Variants in CDK5RAP2 observed in about 807,000 individuals in gnomAD.
The protein encoded by CDK5RAP2 is CDK5 regulatory subunit associated protein 2.
Under a neutral mutation model 232.9 loss-of-function variants are expected in CDK5RAP2, and 147 were observed. The observed-to-expected ratio is 0.63, with a 90% CI of 0.55 to 0.72. CDK5RAP2 has a LOEUF of 0.72. Among genes scored for constraint, CDK5RAP2 ranks in the 30% least tolerant of loss-of-function variants. CDK5RAP2 has a pLI of 0.00. For synonymous variants in CDK5RAP2, 833 were observed against 833.7 expected (o/e 1.00, Z 0.01); for missense variants, 2,195 against 2,231.5 (o/e 0.98, Z 0.33).
At position 120,434,275 on chromosome 9, in the gene CDK5RAP2, G is replaced by A. The variant is rs554187021; in HGVS notation, c.3955+3020C>T. 7.9e-5 allele frequency among the ~76,000 whole-genome samples: 12 copies of A among 152,196 alleles called. No homozygotes were observed. In the South Asian group the frequency reaches 2.5e-3, roughly 31 times the overall value. On this transcript the variant is annotated intron_variant, in intron 25 of 37. Transcript: ENST00000349780. ...GAAGAGAAAGTGCAAAGCCCCTGAA[G>A]GAGGAGCTGGCCTGGGCATGCTAGA...
At chr9:120,420,434 G>GC (rs1198806249) in intron 26 of CDK5RAP2, among the ~76,000 whole-genome samples, 2 of 152,110 alleles carry the variant, frequency 1.3e-5, no homozygotes, top group Non-Finnish European at 2.9e-5. Flanking sequence ...TGGCTCCAAG[G>GC]CCCCAGGAGA....
In CDK5RAP2 at chr9:120,437,161, G is replaced by C. The variant is rs1037070646; in HGVS notation, c.3955+134C>G. The C allele has an allele frequency of 1.5e-5, 11 of 721,046 alleles. No individual in the cohort carries two copies. In the Admixed American group the frequency reaches 1.8e-4, roughly 12 times the overall value. The allele number at this position is 721,046 out of a possible 1,614,324, so 44.7% of individuals were successfully genotyped here. A position where few individuals can be genotyped will look rare whatever the true frequency, so the allele number is the denominator to read the frequency against. On this transcript the variant is annotated intron_variant, in intron 25 of 37. Transcript: ENST00000349780. ...CTGGGAGGAAGCAGCAGCCAGTGTG[G>C]TTCTGCTGTCACCTCATCAAGGCAG...
chr9:120,528,074 GTGCC>G, intron 9 of CDK5RAP2, 149 bp from the exon 10 acceptor site: 2 of 1,136,858 alleles, frequency 1.8e-6, no homozygotes, highest in Non-Finnish European at 2.6e-6. Context: ...GCTGAACATA[GTGCC>G]ATCAGCTCCA....
At chr9:120,462,182 A>G (rs932849303) in intron 18 of CDK5RAP2, among the ~76,000 whole-genome samples, 6 of 152,230 alleles carry the variant, frequency 3.9e-5, no homozygotes, top group African/African-American at 9.6e-5. Context: ...ACATCCTACT[A>G]TATTATCCAG....
At position 120,439,747 on chromosome 9, in the gene CDK5RAP2, C is replaced by G. The variant is rs201397672; in HGVS notation, c.3374G>C (p.Gly1125Ala). ...AAGCTGAAATATGAAATTCTGGTAGCCTTCCAGCTCAGTTTCCAAGTCATG... is the reference window on the plus strand; with the variant it reads ...AAGCTGAAATATGAAATTCTGGTAGGCTTCCAGCTCAGTTTCCAAGTCATG... ...KIHDLETELE[G>A]YQNFIFQLQK... Residue 1125 changes from glycine (G) to alanine (A), a missense_variant, in exon 24 of 38, where the codon GGC (glycine) becomes GCC (alanine). Coordinates refer to ENST00000349780, the MANE Select transcript of CDK5RAP2 (RefSeq NM_018249.6). The G allele has an allele frequency of 5.3e-5, 85 of 1,614,154 alleles. No individual in the cohort carries two copies. The highest frequency in any genetic ancestry group is 6.8e-5 in the Non-Finnish European group (80 of 1,180,024).
intron 21 of CDK5RAP2, among the ~76,000 whole-genome samples, chr9:120,451,028 G>T (rs1564235618): frequency 6.6e-6 from 1 of 152,214 alleles, no homozygotes; most frequent in Non-Finnish European, 1.5e-5. Context: ...TTCGTCCTCA[G>T]TCTCCACCAA....
chr9:120,527,075 A>G (rs1032137200), intron 10 of CDK5RAP2, among the ~76,000 whole-genome samples: 55 of 152,032 alleles, frequency 3.6e-4, no homozygotes, highest in African/African-American at 1.2e-3. Flanking sequence ...TTCTTCCCCA[A>G]TAGACTTGCA....
intron 31 of CDK5RAP2, chr9:120,407,914 C>A: frequency 3.6e-6 from 1 of 281,260 alleles, no homozygotes; most frequent in Non-Finnish European, 7.1e-6. Context: ...CATATACTAG[C>A]AGGACGATTA....
At chr9:120,548,269 C>T (rs999108674) in intron 4 of CDK5RAP2, among the ~76,000 whole-genome samples, 1 of 152,134 alleles carries the variant, frequency 6.6e-6, no homozygotes, top group Non-Finnish European at 1.5e-5. Flanking sequence ...ATTCTTTTTC[C>T]AGCTCTCAGA....
chr9:120,453,850 C>T lies in CDK5RAP2; in HGVS notation c.2399G>A (p.Arg800Gln), dbSNP rs756981126. 6 of 1,614,184 alleles carry T rather than the reference C, an allele frequency of 3.7e-6. No individual in the cohort carries two copies. The highest frequency in any genetic ancestry group is 4.2e-6 in the Non-Finnish European group (5 of 1,180,026). The change falls in exon 21 of 38, where the codon CGG becomes CAG. Residue 800 changes from arginine to glutamine, a missense_variant. By Grantham distance (43) the Arg-to-Gln change is conservative (BLOSUM62 1). Coordinates refer to ENST00000349780, the MANE Select transcript of CDK5RAP2 (RefSeq NM_018249.6). ...GAATAGTTGTCCCAGAAGCAGTTCCCGTACCACTTTCAGAAGGTCTGGCCT... is the reference window on the plus strand; with the variant it reads ...GAATAGTTGTCCCAGAAGCAGTTCCTGTACCACTTTCAGAAGGTCTGGCCT... Reference protein sequence around the residue: ...ESRPDLLKVVRELLLGQLFLT... With the variant: ...ESRPDLLKVVQELLLGQLFLT...
chr9:120,453,156 G>C (rs2036566501), intron 21 of CDK5RAP2, among the ~76,000 whole-genome samples: 1 of 152,294 alleles, frequency 6.6e-6, no homozygotes, highest in East Asian at 1.9e-4. Context: ...ATAGACAGAT[G>C]TATAAACAAG....
rs71385064 is a variant in CDK5RAP2, at chr9:120,497,421, TAAAAAAAAAAAAAAAA to T, written c.1312-5960_1312-5945del. 9.0e-4 allele frequency among the ~76,000 whole-genome samples: 21 copies of T among 23,302 alleles called. 2 individuals are homozygous for T. The South Asian group carries it at 0.011, about 12-fold the overall frequency. 15.3% of individuals were successfully genotyped at this position (23,302 alleles called of 152,430 possible). On this transcript the variant is annotated intron_variant, in intron 12 of 37. Transcript: ENST00000349780. ...AGAATTATCAATAAAAAAATAAATT[TAAAAAAAAAAAAAAAA>T]AAAAAAAAAAAAAAAAAGAATCATC...
chr9:120,389,862 G>A (rs2031765035), intron 36 of CDK5RAP2, 75 bp from the exon 37 acceptor site: 7 of 1,386,424 alleles, frequency 5.0e-6, no homozygotes, highest in Non-Finnish European at 7.2e-6. Flanking sequence ...CAAGTGCAGG[G>A]AGGATGAACC....
rs768089413 is a variant in CDK5RAP2 at position 120,520,796 on chromosome 9, T to TGAGATATATCTCAG, written c.1093-2152_1093-2151insCTGAGATATATCTC. ...CAGATATCTCATGAGATATATCTCA[T>TGAGATATATCTCAG]ATATCTCATGAGATATATCTCATAT... On this transcript the variant is annotated intron_variant, in intron 11 of 37. Coordinates refer to ENST00000349780, the MANE Select transcript of CDK5RAP2 (RefSeq NM_018249.6). Among the ~76,000 whole-genome samples the TGAGATATATCTCAG allele has an allele frequency of 4.0e-5, 6 of 149,236 alleles. 1 individual carries two copies. Among genetic ancestry groups the TGAGATATATCTCAG allele is most frequent in the African/African-American group, 1.5e-4 (6 of 40,496 alleles).
intron 4 of CDK5RAP2, among the ~76,000 whole-genome samples, chr9:120,547,037 AGTG>A (rs1392182977): frequency 5.9e-5 from 9 of 151,306 alleles, no homozygotes; most frequent in African/African-American, 9.7e-5. Flanking sequence ...CCCAGTCTGG[AGTG>A]CAGTGGTGCG....
At chr9:120,493,369 C>A (rs183449557) in intron 12 of CDK5RAP2, among the ~76,000 whole-genome samples, 1 of 152,318 alleles carries the variant, frequency 6.6e-6, no homozygotes, top group East Asian at 1.9e-4. Flanking sequence ...TTCTAGGGAA[C>A]TTGTTTTCAC....
At chr9:120,400,501 T>C (rs573122967) in intron 35 of CDK5RAP2, among the ~76,000 whole-genome samples, 1 of 152,350 alleles carries the variant, frequency 6.6e-6, no homozygotes, top group African/African-American at 2.4e-5. Flanking sequence ...GGTTCCCTCA[T>C]GTGTAGAATG....
chr9:120,517,910 A>C, intron 12 of CDK5RAP2: 1 of 312,838 alleles, frequency 3.2e-6, no homozygotes, highest in Middle Eastern at 4.2e-4. Context: ...AACAACAAAG[A>C]ATCAGTGGAT....
In CDK5RAP2 at chr9:120,538,782, T is replaced by C. The variant is rs566043895; in HGVS notation, c.507+259A>G. 3.5e-4 allele frequency among the ~76,000 whole-genome samples: 54 copies of C among 152,334 alleles called. No homozygotes were observed. The South Asian group carries it at 0.011, about 30-fold the overall frequency. ...ACCTACTAGTATTAGGTTAAGCCTATTAAACGAGTTAGTACTTCTCTCTGT... is the reference window on the plus strand; with the variant it reads ...ACCTACTAGTATTAGGTTAAGCCTACTAAACGAGTTAGTACTTCTCTCTGT... On this transcript the variant is annotated intron_variant, in intron 6 of 37. Coordinates refer to ENST00000349780, the MANE Select transcript of CDK5RAP2 (RefSeq NM_018249.6).
Sources: allele counts gnomAD v4.1 joint callset (sites outside exome capture counted in the v4.1 genomes callset), GRCh38; gene constraint gnomAD v4.1.1; transcripts MANE v1.5; gene names NCBI Gene and HGNC (gene_info 2026-07-23, HGNC 2026-07-21).